Variants in SPRY3 observed in about 807,000 individuals in gnomAD.
SPRY3 encodes sprouty RTK signaling antagonist 3, also known as protein sprouty homolog 3.
Under a neutral mutation model 20.2 loss-of-function variants are expected in SPRY3, and 15 were observed. That is an observed-to-expected ratio of 0.74 (90% CI 0.50 to 1.14). The LOEUF is 1.14. SPRY3 is among the 50% of genes most tolerant of loss of function. SPRY3 has a pLI of 0.00. For missense variants in SPRY3, 364 were observed against 363.9 expected, an observed-to-expected ratio of 1.00 and a Z score of 0.00; for synonymous variants, 143 against 136.5, an observed-to-expected ratio of 1.05 and a Z score of -0.33.
chrX:155,743,880 C>T (rs2091214285), intron 2 of SPRY3, among the ~76,000 whole-genome samples: 2 of 152,012 alleles, frequency 1.3e-5, no homozygotes, highest in Non-Finnish European at 1.5e-5. Flanking sequence ...TGCTAAGAAG[C>T]TAGACATAAA....
chrX:155,742,303 T>C (rs1434813927), intron 2 of SPRY3, among the ~76,000 whole-genome samples: 3 of 152,138 alleles, frequency 2.0e-5, no homozygotes, highest in Non-Finnish European at 4.4e-5. Context: ...CTATTCTAAA[T>C]ATATATGCAC....
chrX:155,624,779 T>A (rs1439567328), intron 1 of SPRY3, among the ~76,000 whole-genome samples: 1 of 111,952 alleles, frequency 8.9e-6, no homozygotes, highest in Non-Finnish European at 1.9e-5. Flanking sequence ...TAGTCCAGGA[T>A]AATGAACTTA....
chrX:155,739,651 T>C (rs1471748992), intron 2 of SPRY3, among the ~76,000 whole-genome samples: 1 of 152,116 alleles, frequency 6.6e-6, no homozygotes, highest in Admixed American at 6.5e-5. Context: ...TCACTGGTGT[T>C]ACATCCAGGT....
At chrX:155,636,045 G>A (rs1557350988) in intron 1 of SPRY3, among the ~76,000 whole-genome samples, 1 of 112,249 alleles carries the variant, frequency 8.9e-6, no homozygotes, top group African/African-American at 3.2e-5. Context: ...TTTGGTTCTT[G>A]TTCTGGTAAA....
intron 2 of SPRY3, among the ~76,000 whole-genome samples, chrX:155,749,829 T>TA (rs1264772745): frequency 9.2e-5 from 14 of 151,986 alleles, no homozygotes; most frequent in Non-Finnish European, 1.8e-4. Context: ...TTGGACATGT[T>TA]AACTAGGAGA....
At chrX:155,712,395 A>T (rs1289864239) in intron 2 of SPRY3, among the ~76,000 whole-genome samples, 1 of 151,862 alleles carries the variant, frequency 6.6e-6, no homozygotes, top group Non-Finnish European at 1.5e-5. Flanking sequence ...ATGTATTTAC[A>T]ATCATGTTCT....
At chrX:155,769,542 T>TA (rs34648235) in intron 3 of SPRY3, among the ~76,000 whole-genome samples, 26 of 151,204 alleles carry the variant, frequency 1.7e-4, no homozygotes, top group African/African-American at 3.2e-4. Context: ...TTTGAGTTTT[T>TA]AAAAAAAAAA....
rs143784349 is a variant in SPRY3 at position 155,639,591 on chromosome X, C to T, written c.-440-17276C>T. ...TGAATAATATTCTGCTGTATGTATACACCACATTTTATTTATCCATTCATC... is the reference window on the plus strand; with the variant it reads ...TGAATAATATTCTGCTGTATGTATATACCACATTTTATTTATCCATTCATC... On this transcript the variant is annotated intron_variant, in intron 1 of 3. Coordinates refer to ENST00000675360, the Ensembl canonical transcript of SPRY3. Among the ~76,000 whole-genome samples, 429 of 112,274 alleles carry T rather than the reference C, an allele frequency of 3.8e-3. 2 individuals carry two copies. Among genetic ancestry groups the T allele is most frequent in the African/African-American group, 0.012 (385 of 30,960 alleles).
At chrX:155,724,939 G>C (rs1037050833) in intron 2 of SPRY3, among the ~76,000 whole-genome samples, 1 of 152,144 alleles carries the variant, frequency 6.6e-6, no homozygotes. Context: ...CATTCAGTAT[G>C]ATATTGGCTA....
intron 2 of SPRY3, among the ~76,000 whole-genome samples, chrX:155,716,587 C>A (rs2091024239): frequency 1.3e-5 from 2 of 151,902 alleles, no homozygotes; most frequent in Admixed American, 6.6e-5. Context: ...GTTATGTTTT[C>A]TTTTTACTTT....
intron 2 of SPRY3, among the ~76,000 whole-genome samples, chrX:155,711,749 G>A (rs959957705): frequency 2.7e-5 from 4 of 149,482 alleles, no homozygotes; most frequent in Non-Finnish European, 4.5e-5. Flanking sequence ...CTAATTTTGG[G>A]ATCGGTTTGT....
chrX:155,720,366 G>A lies in SPRY3; in HGVS notation c.-281-47596G>A, dbSNP rs111970796. 5.2e-3 allele frequency among the ~76,000 whole-genome samples: 792 copies of A among 151,938 alleles called. 10 individuals are homozygous for A. Among genetic ancestry groups the A allele is most frequent in the African/African-American group, 0.018 (746 of 41,510 alleles). On this transcript the variant is annotated intron_variant, in intron 2 of 3. Transcript: ENST00000675360. ...CTCTGGGCCTCCCTGGGGCCTGGGG[G>A]ATCTCATCCTACCTTGAAGGGAAGG... is the stretch of plus-strand genomic sequence containing the variant.
At chrX:155,771,280 G>C (rs764807301) in intron 3 of SPRY3, among the ~76,000 whole-genome samples, 6 of 152,204 alleles carry the variant, frequency 3.9e-5, no homozygotes, top group African/African-American at 1.4e-4. Context: ...TTGTTTCTGA[G>C]TCATTTATAT....
intron 1 of SPRY3, among the ~76,000 whole-genome samples, chrX:155,634,163 A>G (rs1557350774): frequency 9.0e-6 from 1 of 110,971 alleles, no homozygotes; most frequent in Admixed American, 9.6e-5. Flanking sequence ...ATCTTCTCAC[A>G]TGCCTTACCT....
intron 2 of SPRY3, among the ~76,000 whole-genome samples, chrX:155,762,280 T>C (rs1207805466): frequency 6.6e-6 from 1 of 152,144 alleles, no homozygotes; most frequent in East Asian, 1.9e-4. Context: ...AGGGGTCATA[T>C]ATGAATCTTC....
chrX:155,700,473 G>C (rs2068133060), intron 2 of SPRY3, among the ~76,000 whole-genome samples: 2 of 107,190 alleles, frequency 1.9e-5, no homozygotes, highest in Non-Finnish European at 3.8e-5. Flanking sequence ...AAAAATACTT[G>C]TACACCAATG....
At chrX:155,615,827 A>T (rs1460690608) in intron 1 of SPRY3, among the ~76,000 whole-genome samples, 1 of 111,497 alleles carries the variant, frequency 9.0e-6, no homozygotes, top group African/African-American at 3.3e-5. Flanking sequence ...GCATAAACGT[A>T]GTAACCTATA....
chrX:155,768,806 C>CT (rs1424500023), intron 3 of SPRY3, among the ~76,000 whole-genome samples: 2 of 152,178 alleles, frequency 1.3e-5, no homozygotes, highest in Non-Finnish European at 2.9e-5. Context: ...TTGATAAGAC[C>CT]TAGGGCAATG....
chrX:155,719,412 C>T (rs756705908), intron 2 of SPRY3, among the ~76,000 whole-genome samples: 8 of 152,144 alleles, frequency 5.3e-5, no homozygotes, highest in Admixed American at 1.3e-4. Flanking sequence ...AACCTCTAGG[C>T]GAGTCCTAGT....
Sources: allele counts gnomAD v4.1 joint callset (sites outside exome capture counted in the v4.1 genomes callset), GRCh38; gene constraint gnomAD v4.1.1; transcripts MANE v1.5; gene names NCBI Gene and HGNC (gene_info 2026-07-23, HGNC 2026-07-21).